The following SSBP2 variants were observed in gnomAD, a reference collection of about 807,000 sequenced individuals.
The protein encoded by SSBP2 is single-stranded DNA-binding protein 2.
A neutral mutation model predicts 61.8 loss-of-function variants in SSBP2; 17 were observed. The observed-to-expected ratio is 0.28, with a 90% CI of 0.19 to 0.41. The LOEUF is 0.41. Ranked by LOEUF, SSBP2 falls within the 10% of genes least tolerant of loss-of-function variation. SSBP2 has a pLI of 1.00. For synonymous variants in SSBP2, 139 were observed against 141.3 expected (o/e 0.98, Z 0.12); for missense variants, 310 against 458.7 (o/e 0.68, Z 2.96).
intron 1 of SSBP2, among the ~76,000 whole-genome samples, chr5:81,730,837 G>A (rs1023473725): frequency 6.6e-6 from 1 of 152,160 alleles, no homozygotes; most frequent in Admixed American, 6.5e-5. Flanking sequence ...TGAGAGATGA[G>A]CCAAATGATG....
At chr5:81,460,712 A>G (rs1764476747) in intron 10 of SSBP2, among the ~76,000 whole-genome samples, 1 of 152,172 alleles carries the variant, frequency 6.6e-6, no homozygotes, top group Non-Finnish European at 1.5e-5. Flanking sequence ...CAACTCAGTG[A>G]TTATTAATAG....
intron 1 of SSBP2, among the ~76,000 whole-genome samples, chr5:81,738,110 C>G (rs1756744215): frequency 6.6e-6 from 1 of 152,116 alleles, no homozygotes; most frequent in South Asian, 2.1e-4. Flanking sequence ...ATGGGCCATA[C>G]ATTAGTAGCA....
intron 1 of SSBP2, among the ~76,000 whole-genome samples, chr5:81,730,755 C>T (rs1490520444): frequency 2.6e-5 from 4 of 152,130 alleles, no homozygotes; most frequent in South Asian, 2.1e-4. Flanking sequence ...AGACTTTTTA[C>T]AGCTCAGTCC....
At chr5:81,731,756 T>G (rs1581438670) in intron 1 of SSBP2, among the ~76,000 whole-genome samples, 1 of 151,912 alleles carries the variant, frequency 6.6e-6, no homozygotes, top group East Asian at 1.9e-4. Flanking sequence ...TCTCCTCTAT[T>G]GCTTATGTAA....
chr5:81,421,943 G>A (rs1468142872), intron 16 of SSBP2, among the ~76,000 whole-genome samples: 2 of 152,156 alleles, frequency 1.3e-5, no homozygotes. Context: ...TAGACTATCT[G>A]AGCTGTGGGG....
chr5:81,519,417 G>A (rs1450579002), intron 4 of SSBP2, among the ~76,000 whole-genome samples: 1 of 152,102 alleles, frequency 6.6e-6, no homozygotes, highest in African/African-American at 2.4e-5. Context: ...ACACTGCTAA[G>A]TAGACCACAA....
At chr5:81,665,570 T>C (rs1468966220) in intron 1 of SSBP2, among the ~76,000 whole-genome samples, 1 of 152,212 alleles carries the variant, frequency 6.6e-6, no homozygotes, top group Non-Finnish European at 1.5e-5. Context: ...CTTGGCTCAC[T>C]GCAACCTCTG....
At chr5:81,559,184 G>A (rs1308282364) in intron 4 of SSBP2, among the ~76,000 whole-genome samples, 1 of 152,020 alleles carries the variant, frequency 6.6e-6, no homozygotes, top group Non-Finnish European at 1.5e-5. Context: ...TCAGGAGTTC[G>A]AGACCAGCCT....
chr5:81,637,259 A>C (rs1356919748), intron 2 of SSBP2, among the ~76,000 whole-genome samples: 2 of 152,232 alleles, frequency 1.3e-5, no homozygotes, highest in Non-Finnish European at 2.9e-5. Flanking sequence ...TAGAGGTCTA[A>C]GATTCAGCTC....
At chr5:81,503,587 G>A (rs141968909) in intron 5 of SSBP2, among the ~76,000 whole-genome samples, 116 of 152,298 alleles carry the variant, frequency 7.6e-4, no homozygotes, top group African/African-American at 2.7e-3. Flanking sequence ...TCCTCAAAGA[G>A]CTAAAAACAG....
At chr5:81,583,916 C>A (rs1413111516) in intron 4 of SSBP2, among the ~76,000 whole-genome samples, 2 of 152,004 alleles carry the variant, frequency 1.3e-5, no homozygotes, top group African/African-American at 2.4e-5. Flanking sequence ...GTGTTAATAC[C>A]CTAGATGTTA....
At chr5:81,499,402 C>T (rs141530345) in intron 5 of SSBP2, among the ~76,000 whole-genome samples, 1,618 of 152,302 alleles carry the variant, frequency 0.011, 19 homozygotes, top group Non-Finnish European at 0.013. Context: ...GACTTTTCCT[C>T]AAGTCTTCAT....
At chr5:81,488,934 A>G (rs1470885655) in intron 6 of SSBP2, among the ~76,000 whole-genome samples, 1 of 152,074 alleles carries the variant, frequency 6.6e-6, no homozygotes, top group African/African-American at 2.4e-5. Flanking sequence ...TTTTCTGTAA[A>G]GATCCAAATA....
At chr5:81,465,812 TTAAGA>T (rs1764852488) in intron 9 of SSBP2, among the ~76,000 whole-genome samples, 1 of 151,990 alleles carries the variant, frequency 6.6e-6, no homozygotes, top group South Asian at 2.1e-4. Flanking sequence ...TTTGAGGAAT[TTAAGA>T]AGAGTCGGAT....
intron 1 of SSBP2, among the ~76,000 whole-genome samples, chr5:81,720,718 C>T (rs1318580970): frequency 6.6e-6 from 1 of 152,172 alleles, no homozygotes; most frequent in Non-Finnish European, 1.5e-5. Context: ...TTAAAAATGT[C>T]ATCAGTTATG....
intron 4 of SSBP2, among the ~76,000 whole-genome samples, chr5:81,602,676 A>C (rs1343775253): frequency 1.3e-5 from 2 of 152,112 alleles, no homozygotes; most frequent in East Asian, 3.9e-4. Context: ...CTTTGTTTGA[A>C]AACAAGAATT....
intron 4 of SSBP2, among the ~76,000 whole-genome samples, chr5:81,582,074 T>C (rs888576241): frequency 1.3e-5 from 2 of 152,168 alleles, no homozygotes; most frequent in Non-Finnish European, 2.9e-5. Flanking sequence ...TCCCTTGGTA[T>C]AGAAGCTCAG....
chr5:81,745,551 G>A (rs7444931), intron 1 of SSBP2, among the ~76,000 whole-genome samples: 2,975 of 152,034 alleles, frequency 0.02, 105 homozygotes, highest in African/African-American at 0.068. Flanking sequence ...TTTAGCATAC[G>A]CTTACAGAGG....
intron 1 of SSBP2, among the ~76,000 whole-genome samples, chr5:81,718,110 C>T (rs1224253707): frequency 6.6e-6 from 1 of 151,912 alleles, no homozygotes; most frequent in Non-Finnish European, 1.5e-5. Context: ...TAATACCCAC[C>T]CAGACTTTTA....
Sources: allele counts gnomAD v4.1 joint callset (sites outside exome capture counted in the v4.1 genomes callset), GRCh38; gene constraint gnomAD v4.1.1; transcripts MANE v1.5; gene names NCBI Gene and HGNC (gene_info 2026-07-23, HGNC 2026-07-21).